Variants in NEB observed in about 807,000 individuals in gnomAD.
The protein encoded by NEB is nemaline myopathy type 2.
NEB carries 512 observed loss-of-function variants against 952.2 expected under a neutral mutation model. The ratio of observed to expected loss-of-function variants is 0.54; its 90% confidence interval spans 0.50 to 0.58. The LOEUF (loss-of-function observed/expected upper bound fraction) is 0.58. Among genes scored for constraint, NEB ranks in the 20% least tolerant of loss-of-function variants. NEB has a pLI of 0.00. For synonymous variants in NEB, 2,900 were observed against 3,149.8 expected (o/e 0.92, Z 2.66); for missense variants, 8,428 against 9,231.1 (o/e 0.91, Z 3.56).
Position 151,644,451 on chromosome 2 carries a change from A to C in NEB, c.7644+17T>G. On this transcript the variant is annotated intron_variant, in intron 56 of 181. Transcript: ENST00000397345. ...AAATTGCAATCAAATCAATATCAAC[A>C]GAGGATAAAATCTTACTTCACTGGC... The C allele has an allele frequency of 6.3e-7, 1 of 1,587,524 alleles. No homozygotes were observed. The highest frequency in any genetic ancestry group is 8.7e-7 in the Non-Finnish European group (1 of 1,156,022).
intron 135 of NEB, among the ~76,000 whole-genome samples, 162 bp from the exon 136 acceptor site, chr2:151,541,713 C>T (rs1345934852): frequency 6.6e-6 from 1 of 152,186 alleles, no homozygotes; most frequent in Non-Finnish European, 1.5e-5. Context: ...CTCCTGCACC[C>T]TCCTTTTCTT....
At chr2:151,690,656 T>G (rs766884074) in intron 24 of NEB, 71 bp downstream of exon 24, 2 of 1,097,810 alleles carry the variant, frequency 1.8e-6, no homozygotes, top group Non-Finnish European at 2.7e-6. Context: ...AGATTAAGCA[T>G]GTAAATGCTT....
In NEB at chr2:151,633,684, A is replaced by G; in HGVS notation, c.9384T>C (p.His3128=). 6.2e-7 allele frequency: 1 copy of G among 1,613,546 alleles called. No individual in the cohort carries two copies. The highest frequency in any genetic ancestry group is 8.5e-7 in the Non-Finnish European group (1 of 1,179,486). The change falls in exon 65 of 182, where the codon CAT becomes CAC. Residue 3128 remains histidine (H), a synonymous_variant. Coordinates refer to ENST00000397345, the MANE Select transcript of NEB (RefSeq NM_001164508.2). ...TCLPDQSDVI[H]ARQAYDLQSD... is the part of the protein sequence containing the mutation. Reference sequence around the variant, plus strand: ...TCTGGAGGTCATAGGCCTGCCGAGCATGGATGACATCGCTCTGGTCAGGCA... The same window carrying G: ...TCTGGAGGTCATAGGCCTGCCGAGCGTGGATGACATCGCTCTGGTCAGGCA...
chr2:151,537,111 A>C, intron 141 of NEB, 21 bp downstream of exon 141: 1 of 1,497,670 alleles, frequency 6.7e-7, no homozygotes, highest in African/African-American at 1.4e-5. Flanking sequence ...GATGAGGCCA[A>C]TTCTCCTTGA....
chr2:151,494,578 A>G (rs945973389), intron 173 of NEB, among the ~76,000 whole-genome samples: 1 of 152,178 alleles, frequency 6.6e-6, no homozygotes, highest in Non-Finnish European at 1.5e-5. Context: ...AGTTACAGGC[A>G]TGAGCTTCAA....
chr2:151,498,128 T>C (rs1351186098), intron 170 of NEB, 132 bp downstream of exon 170: 1 of 1,521,002 alleles, frequency 6.6e-7, no homozygotes, highest in Admixed American at 2.0e-5. Flanking sequence ...AATGGGAAAG[T>C]ATATCCTTTT....
At position 151,610,530 on chromosome 2, in the gene NEB, C is replaced by T. The variant is rs2097910717; in HGVS notation, c.12004G>A (p.Asp4002Asn). ...ISIKSAKASR[D>N]IASDYKYKEA... ...AAGGTACTCACGTCACTGGCGATGTCCCTGGAGGCCTTGGCACTTTTGATG... is the reference window on the plus strand; with the variant it reads ...AAGGTACTCACGTCACTGGCGATGTTCCTGGAGGCCTTGGCACTTTTGATG... Residue 4002 changes from aspartate (D) to asparagine (N), a missense_variant, in exon 80 of 182, where the codon GAC (aspartate) becomes AAC (asparagine). By Grantham distance (23) the Asp-to-Asn change is conservative (BLOSUM62 1). This residue lies in a region of NEB where 337 missense variants were observed against 297.5 expected (regional missense o/e 1.13). Transcript: ENST00000397345. 6.2e-7 allele frequency: 1 copy of T among 1,610,702 alleles called. No individual in the cohort carries two copies. The highest frequency in any genetic ancestry group is 8.5e-7 in the Non-Finnish European group (1 of 1,177,016).
chr2:151,485,843 TTGC>T lies in NEB; in HGVS notation c.25492_25494del (p.Ala8498del). The T allele has an allele frequency of 6.2e-7, 1 of 1,614,068 alleles. No homozygotes were observed. The highest frequency in any genetic ancestry group is 8.5e-7 in the Non-Finnish European group (1 of 1,179,918). Reference sequence around the variant, plus strand: ...GTGCCATACATCCAGCCTTCATCAATTGCTTGAACATTTATGATGGCATCTCCA... The same window carrying T: ...GTGCCATACATCCAGCCTTCATCAATTTGAACATTTATGATGGCATCTCCA... On this transcript the variant is annotated inframe_deletion, in exon 182 of 182. Transcript: ENST00000397345.
At chr2:151,626,611 A>G (rs760660662) in intron 70 of NEB, among the ~76,000 whole-genome samples, 9 of 151,580 alleles carry the variant, frequency 5.9e-5, no homozygotes, top group Non-Finnish European at 1.2e-4. Flanking sequence ...ATCTCAGCTC[A>G]CTACGAGCTC....
Position 151,609,939 on chromosome 2 carries a change from A to T in NEB, c.12200T>A (p.Ile4067Asn). 1 of 1,614,000 alleles carries T rather than the reference A, an allele frequency of 6.2e-7. No individual in the cohort carries two copies. Among genetic ancestry groups the T allele is most frequent in the Non-Finnish European group, 8.5e-7 (1 of 1,179,876 alleles). Reference sequence around the variant, plus strand: ...AGTCTGACATTTCTTGGCCAGCAAGATGCTTAACATGTCCACTGGGCTAGA... The same window carrying T: ...AGTCTGACATTTCTTGGCCAGCAAGTTGCTTAACATGTCCACTGGGCTAGA... ...KFSSPVDMLS[I>N]LLAKKCQTLV... is the part of the protein sequence containing the mutation. Residue 4067 changes from isoleucine to asparagine, a missense_variant, in exon 81 of 182, where the codon ATC (isoleucine) becomes AAC (asparagine). Coordinates refer to ENST00000397345, the MANE Select transcript of NEB (RefSeq NM_001164508.2).
chr2:151,517,401 C>T (rs1231272427), intron 156 of NEB, among the ~76,000 whole-genome samples: 1 of 152,214 alleles, frequency 6.6e-6, no homozygotes. Context: ...GAGGACGTTT[C>T]TAATAGTTAG....
rs1397715552 is a variant in NEB at position 151,664,854 on chromosome 2, T to C, written c.5248A>G (p.Thr1750Ala). The change falls in exon 43 of 182, where the codon ACT (threonine) becomes GCT (alanine). Residue 1750 changes from threonine (T) to alanine (A), a missense_variant. Thr to Ala is a moderately conservative substitution (Grantham distance 58). Transcript: ENST00000397345. ...GTCTTGTCCTTGTTCCATTTTTCAG[T>C]GTAGAGCCTCTGCAATGAGAAAGTC... The part of the protein sequence containing the change: ...NKLNMDKRLY[T>A]EKWNKDKTTI... 1.9e-6 allele frequency: 3 copies of C among 1,609,316 alleles called. No homozygotes were observed. The highest frequency in any genetic ancestry group is 1.7e-6 in the Non-Finnish European group (2 of 1,176,896).
chr2:151,662,367 TGAG>T (rs1403602059), intron 45 of NEB, 26 bp from the exon 46 acceptor site: 1 of 1,521,976 alleles, frequency 6.6e-7, no homozygotes, highest in African/African-American at 1.4e-5. Flanking sequence ...AATTAAATTA[TGAG>T]AAGAAACTGG....
chr2:151,684,925 A>G lies in NEB; in HGVS notation c.2688T>C (p.Pro896=), dbSNP rs771708616. 2.5e-6 allele frequency: 4 copies of G among 1,612,986 alleles called. No individual in the cohort carries two copies. The African/African-American group carries it at 4.0e-5, about 16-fold the overall frequency. Residue 896 remains proline, a synonymous_variant, in exon 28 of 182, where the codon CCT becomes CCC. Coordinates refer to ENST00000397345, the MANE Select transcript of NEB (RefSeq NM_001164508.2). ...YEKSKTIYTA[P]LDMLQVTQAK... is the part of the protein sequence containing the mutation. ...CTTGAGTGACTTGGAGCATATCAAG[A>G]GGTGCCGTGTAGATAGTTTTTGACT...
chr2:151,685,863 C>G (rs990183574), intron 27 of NEB, among the ~76,000 whole-genome samples: 14 of 152,186 alleles, frequency 9.2e-5, no homozygotes, highest in Non-Finnish European at 1.6e-4. Flanking sequence ...CCCAAGCTGG[C>G]AAGTACAGAT....
intron 145 of NEB, 193 bp downstream of exon 145, chr2:151,530,801 A>G (rs2090279559): frequency 7.0e-6 from 3 of 430,710 alleles, no homozygotes; most frequent in Non-Finnish European, 1.2e-5. Flanking sequence ...TCTGCCAGCA[A>G]CATGGGGAGC....
intron 135 of NEB, 105 bp downstream of exon 135, chr2:151,545,783 C>A: frequency 3.1e-6 from 2 of 653,314 alleles, no homozygotes. Flanking sequence ...TTACCTGCCG[C>A]AGTTGCCTGA....
chr2:151,510,748 G>C (rs2073581634), intron 161 of NEB, among the ~76,000 whole-genome samples: 1 of 152,072 alleles, frequency 6.6e-6, no homozygotes, highest in Non-Finnish European at 1.5e-5. Context: ...GTATATATAG[G>C]GTTAGGTATT....
chr2:151,532,413 A>T (rs761665888), intron 143 of NEB, among the ~76,000 whole-genome samples: 3 of 152,216 alleles, frequency 2.0e-5, no homozygotes, highest in Non-Finnish European at 2.9e-5. Context: ...CATGTCAAAG[A>T]TGAAACAGGG....
Sources: allele counts gnomAD v4.1 joint callset (sites outside exome capture counted in the v4.1 genomes callset), GRCh38; gene constraint gnomAD v4.1.1; regional missense constraint gnomAD v4.1.1; transcripts MANE v1.5; gene names NCBI Gene and HGNC (gene_info 2026-07-23, HGNC 2026-07-21).